The following FAM118A variants were observed in gnomAD, a reference collection of about 807,000 sequenced individuals.
The protein encoded by FAM118A is protein FAM118A.
A neutral mutation model predicts 38.2 loss-of-function variants in FAM118A; 25 were observed. The ratio of observed to expected loss-of-function variants is 0.65; its 90% CI spans 0.48 to 0.91. FAM118A has a LOEUF of 0.91. Among genes scored for constraint, FAM118A ranks in the 40% least tolerant of loss-of-function variants. The probability of loss-of-function intolerance (pLI) is 0.00; values close to 1 mark genes in which losing one functional copy is unlikely to be tolerated. For synonymous variants in FAM118A, 178 were observed against 184.1 expected (o/e 0.97, Z 0.27); for missense variants, 425 against 463.3 (o/e 0.92, Z 0.76).
At chr22:45,328,878 A>G (rs2085505160) in intron 4 of FAM118A, 1 of 163,692 alleles carries the variant, frequency 6.1e-6, no homozygotes, top group African/African-American at 2.4e-5. Context: ...TAGGAAGCAT[A>G]GCAGCATCTG....
intron 4 of FAM118A, chr22:45,328,759 G>T: frequency 5.0e-6 from 2 of 398,490 alleles, no homozygotes; most frequent in Non-Finnish European, 9.3e-6. Context: ...GCCTGGGCAA[G>T]AGAGTGAGAC....
At chr22:45,336,499 C>T (rs2086107098) in intron 8 of FAM118A, 88 bp downstream of exon 8, 4 of 1,005,164 alleles carry the variant, frequency 4.0e-6, no homozygotes, top group Admixed American at 3.9e-5. Context: ...CTTTAATGCC[C>T]CGCGCCCTAT....
At chr22:45,339,225 G>C (rs1017539877) in intron 8 of FAM118A, among the ~76,000 whole-genome samples, 1 of 152,130 alleles carries the variant, frequency 6.6e-6, no homozygotes, top group Admixed American at 6.5e-5. Context: ...GCGAAACCCC[G>C]TCTCTACTAA....
chr22:45,334,441 T>C (rs1344406736), intron 6 of FAM118A, among the ~76,000 whole-genome samples: 1 of 152,246 alleles, frequency 6.6e-6, no homozygotes, highest in Non-Finnish European at 1.5e-5. Flanking sequence ...TTTTAACCAC[T>C]ATCATTTCTT....
rs35399563 is a variant in FAM118A at position 45,340,808 on chromosome 22, CT to C, written c.*414del. 0.04 allele frequency: 7,397 copies of C among 185,386 alleles called. 221 individuals are homozygous for C. Among genetic ancestry groups the C allele is most frequent in the African/African-American group, 0.099 (4,104 of 41,558 alleles). The allele number at this position is 185,386 out of a possible 1,614,324, so 11.5% of individuals were successfully genotyped here. A position where few individuals can be genotyped will look rare whatever the true frequency, so the allele number is the denominator to read the frequency against. On this transcript the variant is annotated 3_prime_UTR_variant, in exon 9 of 9. Transcript: ENST00000441876. ...CCAAAGAGAAAATACGAAATAGACA[CT>C]TTTTTTTTTTGAGTCAGAGTCTCAC...
At position 45,322,432 on chromosome 22, in the gene FAM118A, T is replaced by G; in HGVS notation, c.47+6T>G. 6.2e-7 allele frequency: 1 copy of G among 1,608,590 alleles called. No individual in the cohort carries two copies. Among genetic ancestry groups the G allele is most frequent in the Non-Finnish European group, 8.5e-7 (1 of 1,177,790 alleles). ...AGAAGTGAACAAAAATCCAGGTAAT[T>G]AAAGGCAACTATACCTTCAAGCAGC... On this transcript the variant is annotated splice_donor_region_variant and intron_variant, in intron 2 of 8. Transcript: ENST00000441876.
chr22:45,326,982 C>G (rs2085321240), intron 3 of FAM118A, among the ~76,000 whole-genome samples: 1 of 149,696 alleles, frequency 6.7e-6, no homozygotes, highest in Non-Finnish European at 1.5e-5. Flanking sequence ...TCACTGCACT[C>G]CAGCCTGGGT....
rs1367384820 is a variant in FAM118A at position 45,341,172 on chromosome 22, A to C, written c.*767A>C. On this transcript the variant is annotated 3_prime_UTR_variant, in exon 9 of 9. Transcript: ENST00000441876. ...AGAAAGCATTTTAAAGGTACGTTTT[A>C]AAGGTCCACTGTTAAATAGTAAAGA... The C allele has an allele frequency of 2.0e-5, 3 of 152,248 alleles. No homozygotes were observed. The highest frequency in any genetic ancestry group is 4.8e-5 in the African/African-American group (2 of 41,456). 9.4% of individuals were successfully genotyped at this position (152,248 alleles called of 1,614,324 possible). A position where few individuals can be genotyped will look rare whatever the true frequency, so the allele number is the denominator to read the frequency against.
chr22:45,328,482 A>C, intron 4 of FAM118A: 1 of 843,630 alleles, frequency 1.2e-6, no homozygotes, highest in Non-Finnish European at 2.1e-6. Context: ...TTACTAATAA[A>C]GTAGCCAGGC....
rs978647783 is a variant in FAM118A, at chr22:45,340,459, C to T, written c.*54C>T. ...AAACTAGCCTTCTGTAACCACAGTGCCCAAACGAAGAGGAATGTATGGAGA... is the reference window on the plus strand; with the variant it reads ...AAACTAGCCTTCTGTAACCACAGTGTCCAAACGAAGAGGAATGTATGGAGA... On this transcript the variant is annotated 3_prime_UTR_variant, in exon 9 of 9. Transcript: ENST00000441876. 10 of 1,597,008 alleles carry T rather than the reference C, an allele frequency of 6.3e-6. No homozygotes were observed. The highest frequency in any genetic ancestry group is 7.7e-6 in the Non-Finnish European group (9 of 1,164,356).
rs1187930425 is a variant in FAM118A at position 45,309,940 on chromosome 22, G to A, written c.-253G>A. The A allele has an allele frequency of 6.6e-6, 1 of 152,292 alleles. No individual in the cohort carries two copies. The highest frequency in any genetic ancestry group is 2.1e-4 in the South Asian group (1 of 4,878). 9.4% of individuals were successfully genotyped at this position (152,292 alleles called of 1,614,324 possible). ...GCGCGCGGGGGAAGGGTTTGCGGCG[G>A]CGCCGCTGCCGGCTAACGCGGAGGG... On this transcript the variant is annotated 5_prime_UTR_variant, in exon 1 of 9. Transcript: ENST00000441876.
At chr22:45,313,323 T>G (rs562163285) in intron 1 of FAM118A, among the ~76,000 whole-genome samples, 63 of 149,660 alleles carry the variant, frequency 4.2e-4, no homozygotes, top group African/African-American at 1.4e-3. Flanking sequence ...GTGAGGGTTT[T>G]TTTTTTTTTT....
rs144465524 is a variant in FAM118A, at chr22:45,340,446, T to G, written c.*41T>G. The G allele has an allele frequency of 6.3e-5, 102 of 1,611,566 alleles. No individual in the cohort carries two copies. In the East Asian group the frequency reaches 2.2e-3, roughly 35 times the overall value. On this transcript the variant is annotated 3_prime_UTR_variant, in exon 9 of 9. Transcript: ENST00000441876. Reference sequence around the variant, plus strand: ...ACCTGCAACTTGAAAACTAGCCTTCTGTAACCACAGTGCCCAAACGAAGAG... The same window carrying G: ...ACCTGCAACTTGAAAACTAGCCTTCGGTAACCACAGTGCCCAAACGAAGAG...
intron 1 of FAM118A, among the ~76,000 whole-genome samples, chr22:45,313,753 A>G (rs1320203176): frequency 6.6e-6 from 1 of 152,210 alleles, no homozygotes; most frequent in Non-Finnish European, 1.5e-5. Flanking sequence ...TAACTGCACA[A>G]TGGAACTTCC....
intron 3 of FAM118A, among the ~76,000 whole-genome samples, chr22:45,323,921 C>T (rs967301973): frequency 1.3e-5 from 2 of 152,196 alleles, no homozygotes; most frequent in African/African-American, 4.8e-5. Context: ...CTGAGCGAGG[C>T]CCTGGGGCCG....
chr22:45,337,727 C>A, intron 8 of FAM118A: 1 of 550,212 alleles, frequency 1.8e-6, no homozygotes, highest in Non-Finnish European at 2.3e-6. Flanking sequence ...GAGATGGAGG[C>A]CTAGGTCTCC....
chr22:45,324,871 ACT>A (rs1011032956), intron 3 of FAM118A, among the ~76,000 whole-genome samples: 16 of 152,064 alleles, frequency 1.1e-4, no homozygotes, highest in African/African-American at 3.9e-4. Context: ...ATGTGATGAA[ACT>A]CTGTCTCTAC....
chr22:45,333,019 A>G (rs2085833189), intron 6 of FAM118A, among the ~76,000 whole-genome samples: 1 of 152,106 alleles, frequency 6.6e-6, no homozygotes, highest in South Asian at 2.1e-4. Context: ...CTGGGATTAC[A>G]GGCGAGAGCC....
chr22:45,309,794 G>T (rs2146563610), upstream of FAM118A: 1 of 146,812 alleles, frequency 6.8e-6, no homozygotes, highest in South Asian at 2.1e-4. Context: ...GGCGGTGCCA[G>T]AGGATCTGGC....
Sources: gnomAD v4.1 joint callset for allele counts (sites outside exome capture counted in the v4.1 genomes callset) on GRCh38, gnomAD v4.1.1 for gene constraint, MANE v1.5 for transcripts, NCBI Gene and HGNC (gene_info 2026-07-23, HGNC 2026-07-21) for gene names.